The following DDX50 variants were observed in gnomAD, a reference collection of about 807,000 sequenced individuals.
DDX50 encodes the protein ATP-dependent RNA helicase DDX50.
Under a neutral mutation model 94.8 loss-of-function variants are expected in DDX50, and 56 were observed. That is an observed-to-expected ratio of 0.59 (90% CI 0.48 to 0.74). The LOEUF is 0.74. Among genes scored for constraint, DDX50 ranks in the 30% least tolerant of loss-of-function variants. DDX50 has a pLI of 0.00. For synonymous variants in DDX50, 264 were observed against 295.4 expected (o/e 0.89, Z 1.09); for missense variants, 713 against 881.2 (o/e 0.81, Z 2.42).
intron 8 of DDX50, among the ~76,000 whole-genome samples, chr10:68,932,659 C>T (rs1842302651): frequency 6.6e-6 from 1 of 151,934 alleles, no homozygotes; most frequent in Non-Finnish European, 1.5e-5. Context: ...TGAAGATCTA[C>T]CTAATATAAA....
Position 68,906,805 on chromosome 10 carries a change from C to T in DDX50, c.182C>T (p.Ala61Val). 1 of 1,613,242 alleles carries T rather than the reference C, an allele frequency of 6.2e-7. No individual in the cohort carries two copies. Among genetic ancestry groups the T allele is most frequent in the Non-Finnish European group, 8.5e-7 (1 of 1,179,850 alleles). Residue 61 changes from alanine (A) to valine (V), a missense_variant, in exon 2 of 15, where the codon GCC becomes GTC. Transcript: ENST00000373585. ...ACAGATGACCTGGATGCTCCCAAGG[C>T]CAAAAAATCTAAAATGAAAGAGAAG... is the stretch of plus-strand genomic sequence containing the variant. ...GVTDDLDAPKAKKSKMKEKLN... is the reference protein window; with the variant it reads ...GVTDDLDAPKVKKSKMKEKLN...
At chr10:68,936,809 C>G in intron 11 of DDX50, 127 bp from the exon 12 acceptor site, 2 of 949,684 alleles carry the variant, frequency 2.1e-6, no homozygotes, top group South Asian at 1.9e-5. Context: ...CCAGTGCGCT[C>G]CAGACTGGGT....
chr10:68,937,735 G>A (rs771751009), intron 12 of DDX50, among the ~76,000 whole-genome samples: 2 of 151,930 alleles, frequency 1.3e-5, no homozygotes, highest in African/African-American at 2.4e-5. Context: ...ACAGGCGCAC[G>A]CCACCATGCC....
At position 68,918,830 on chromosome 10, in the gene DDX50, C is replaced by T. The variant is rs144467791; in HGVS notation, c.1090-1002C>T. 5.0e-3 allele frequency among the ~76,000 whole-genome samples: 755 copies of T among 152,218 alleles called. 15 individuals carry two copies. The highest frequency in any genetic ancestry group is 0.017 in the African/African-American group (715 of 41,542). Reference sequence around the variant, plus strand: ...TCATGTACAGTCATGTGCTGCATAACGATGTTTTGGTCAGTGATGGACCAT... The same window carrying T: ...TCATGTACAGTCATGTGCTGCATAATGATGTTTTGGTCAGTGATGGACCAT... On this transcript the variant is annotated intron_variant, in intron 7 of 14. Transcript: ENST00000373585.
intron 7 of DDX50, among the ~76,000 whole-genome samples, chr10:68,915,149 T>C (rs10740314): frequency 0.94 from 143,311 of 152,208 alleles, 67,532 homozygotes; most frequent in East Asian, 0.99. Context: ...CGTGGTGGCT[T>C]ACGCCTGTAA....
intron 7 of DDX50, among the ~76,000 whole-genome samples, chr10:68,916,323 C>T (rs1173015493): frequency 7.4e-6 from 1 of 135,222 alleles, no homozygotes; most frequent in African/African-American, 2.8e-5. Context: ...CACTGCACTC[C>T]AGCCTGGACA....
Position 68,936,795 on chromosome 10 carries a change from C to G in DDX50, c.1596-141C>G, listed in dbSNP as rs1162533559. ...GGTTGAGGCTGCAGTGAGCCAAGAT[C>G]GTGCCAGTGCGCTCCAGACTGGGTG... On this transcript the variant is annotated intron_variant, in intron 11 of 14. Transcript: ENST00000373585. The G allele has an allele frequency of 8.3e-6, 6 of 724,176 alleles. No homozygotes were observed. The South Asian group carries it at 1.5e-4, about 18-fold the overall frequency. 44.9% of individuals were successfully genotyped at this position (724,176 alleles called of 1,614,324 possible).
chr10:68,915,655 G>A (rs1229447011), intron 7 of DDX50, among the ~76,000 whole-genome samples: 1 of 151,376 alleles, frequency 6.6e-6, no homozygotes, highest in Non-Finnish European at 1.5e-5. Context: ...GGCGGAGGTT[G>A]CAGTGAGCCA....
intron 4 of DDX50, among the ~76,000 whole-genome samples, 199 bp downstream of exon 4, chr10:68,911,445 A>G (rs1289593019): frequency 6.6e-6 from 1 of 152,204 alleles, no homozygotes; most frequent in African/African-American, 2.4e-5. Flanking sequence ...TGTGATGTGT[A>G]TGGATCCATA....
At chr10:68,938,931 AG>A (rs1842490034) in intron 12 of DDX50, among the ~76,000 whole-genome samples, 2 of 152,140 alleles carry the variant, frequency 1.3e-5, no homozygotes, top group African/African-American at 4.8e-5. Flanking sequence ...GTTGTTTGGT[AG>A]AATATCTCAC....
chr10:68,940,966 A>G, intron 12 of DDX50, 94 bp from the exon 13 acceptor site: 4 of 1,480,608 alleles, frequency 2.7e-6, no homozygotes, highest in South Asian at 2.8e-5. Flanking sequence ...CTCATAAGAA[A>G]TGCACAGTTA....
chr10:68,922,795 TC>T (rs1564609086), intron 8 of DDX50, among the ~76,000 whole-genome samples: 2 of 124,870 alleles, frequency 1.6e-5, no homozygotes, highest in Non-Finnish European at 3.7e-5. Flanking sequence ...CCTTTCTCTC[TC>T]TTTTTTTTTT....
chr10:68,907,911 A>C (rs1367442948), intron 2 of DDX50, among the ~76,000 whole-genome samples: 1 of 152,150 alleles, frequency 6.6e-6, no homozygotes, highest in East Asian at 1.9e-4. Context: ...TTTTGTTTAG[A>C]TCACATGAGA....
chr10:68,928,998 G>T (rs1282910203), intron 8 of DDX50, among the ~76,000 whole-genome samples: 1 of 151,984 alleles, frequency 6.6e-6, no homozygotes, highest in African/African-American at 2.4e-5. Context: ...CACCAGGCTG[G>T]AGTGCAGTGG....
chr10:68,942,023 A>G (rs1180047778), intron 13 of DDX50, among the ~76,000 whole-genome samples: 1 of 151,652 alleles, frequency 6.6e-6, no homozygotes, highest in Non-Finnish European at 1.5e-5. Context: ...CCTGAGCTCA[A>G]GGGATTCACC....
chr10:68,935,752 T>C (rs1842390298), intron 10 of DDX50, among the ~76,000 whole-genome samples: 1 of 152,116 alleles, frequency 6.6e-6, no homozygotes, highest in Non-Finnish European at 1.5e-5. Context: ...GGAGAATTGC[T>C]TGAGCCCAGG....
chr10:68,918,620 T>C (rs551607803), intron 7 of DDX50, among the ~76,000 whole-genome samples: 2 of 151,792 alleles, frequency 1.3e-5, no homozygotes, highest in East Asian at 3.9e-4. Flanking sequence ...AGAGATGGGG[T>C]TTCACCATGT....
intron 1 of DDX50, among the ~76,000 whole-genome samples, chr10:68,905,710 G>A (rs1354217384): frequency 6.6e-6 from 1 of 152,210 alleles, no homozygotes; most frequent in African/African-American, 2.4e-5. Flanking sequence ...TCAGGAGTTT[G>A]AGACCAGTCT....
At chr10:68,914,242 G>A in intron 7 of DDX50, 38 bp downstream of exon 7, 1 of 1,600,630 alleles carries the variant, frequency 6.2e-7, no homozygotes, top group East Asian at 2.3e-5. Context: ...TTAGCTTTTA[G>A]TTGGTATTTA....
Sources: allele counts gnomAD v4.1 joint callset (sites outside exome capture counted in the v4.1 genomes callset), GRCh38; gene constraint gnomAD v4.1.1; transcripts MANE v1.5; gene names NCBI Gene and HGNC (gene_info 2026-07-23, HGNC 2026-07-21).